TBC1D30: variants seen among roughly 807,000 people sequenced by gnomAD.
TBC1D30 encodes TBC1 domain family, member 30.
A neutral mutation model predicts 63.2 loss-of-function variants in TBC1D30; 31 were observed. The observed-to-expected ratio is 0.49, with a 90% CI of 0.37 to 0.66. The LOEUF (loss-of-function observed/expected upper bound fraction) is 0.66, where lower values mean the gene tolerates loss of function less well. TBC1D30 is among the 30% of genes least tolerant of loss of function. TBC1D30 has a pLI of 0.00. For synonymous variants in TBC1D30, 307 were observed against 361.5 expected (o/e 0.85, Z 1.71); for missense variants, 810 against 953.6 (o/e 0.85, Z 1.98).
intron 1 of TBC1D30, among the ~76,000 whole-genome samples, chr12:64,785,629 G>T (rs1045942706): frequency 5.9e-5 from 9 of 152,136 alleles, no homozygotes; most frequent in African/African-American, 2.2e-4. Context: ...AAAAGTAGGA[G>T]TTTTTGCTCC....
At chr12:64,859,028 G>A (rs1877554520) in intron 8 of TBC1D30, among the ~76,000 whole-genome samples, 2 of 151,982 alleles carry the variant, frequency 1.3e-5, no homozygotes, top group Non-Finnish European at 2.9e-5. Flanking sequence ...GGCTGTGTGT[G>A]TGTGTGTGTG....
chr12:64,813,159 A>G (rs1223730760), intron 2 of TBC1D30, among the ~76,000 whole-genome samples: 2 of 152,114 alleles, frequency 1.3e-5, no homozygotes, highest in East Asian at 3.9e-4. Flanking sequence ...GAAGGCCGAG[A>G]TGGGCAGCTC....
At chr12:64,785,832 T>G in intron 1 of TBC1D30, 1 of 1,242,440 alleles carries the variant, frequency 8.0e-7, no homozygotes, top group Non-Finnish European at 1.1e-6. Flanking sequence ...CTGGAATTTG[T>G]ATTCCTCTCA....
intron 8 of TBC1D30, among the ~76,000 whole-genome samples, chr12:64,853,511 C>T (rs1877047014): frequency 6.6e-6 from 1 of 152,118 alleles, no homozygotes; most frequent in South Asian, 2.1e-4. Flanking sequence ...TTCTGTCTTG[C>T]TGATGTTCTA....
chr12:64,820,759 A>G (rs1382198332), upstream of TBC1D30, among the ~76,000 whole-genome samples: 1 of 152,256 alleles, frequency 6.6e-6, no homozygotes, highest in Non-Finnish European at 1.5e-5. Context: ...CAGACATGAA[A>G]TAAAAAACTG....
At position 64,786,439 on chromosome 12, in the gene TBC1D30, C is replaced by T. The variant is rs541815385; in HGVS notation, c.643+394C>T. Among the ~76,000 whole-genome samples the T allele has an allele frequency of 5.4e-4, 82 of 152,144 alleles. No homozygotes were observed. In the South Asian group the frequency reaches 0.017, roughly 31 times the overall value. On this transcript the variant is annotated intron_variant, in intron 2 of 12. Coordinates refer to the TBC1D30 transcript ENST00000542120. ...CTCCGCCTCCCAGGTTCAGGCAATT[C>T]TCCTGTCTAAGCCTCCTGAGTAGCT...
At chr12:64,816,925 C>T (rs1873576801) in intron 2 of TBC1D30, among the ~76,000 whole-genome samples, 2 of 152,074 alleles carry the variant, frequency 1.3e-5, no homozygotes, top group South Asian at 4.1e-4. Context: ...ATCCTAGGCT[C>T]TCAAGTGATC....
upstream of TBC1D30, among the ~76,000 whole-genome samples, chr12:64,777,135 A>C (rs994532682): frequency 2.0e-5 from 3 of 152,158 alleles, no homozygotes; most frequent in Non-Finnish European, 4.4e-5. Context: ...TATATGACAA[A>C]CCCGCAGCTA....
At chr12:64,780,746 G>C in exon 1 of TBC1D30, 1 of 987,120 alleles carries the variant, frequency 1.0e-6, no homozygotes, top group Non-Finnish European at 1.2e-6. Context: ...CCTCCTCCCG[G>C]AACTGGCCGG....
intron 5 of TBC1D30, 132 bp downstream of exon 5, chr12:64,832,436 C>A: frequency 1.1e-6 from 1 of 879,534 alleles, no homozygotes; most frequent in Non-Finnish European, 1.7e-6. Flanking sequence ...CCTATGATAG[C>A]ATTTCCTCCA....
intron 4 of TBC1D30, among the ~76,000 whole-genome samples, chr12:64,831,569 C>T (rs574562703): frequency 2.6e-5 from 4 of 152,114 alleles, no homozygotes; most frequent in Non-Finnish European, 5.9e-5. Context: ...ATATTGCCTT[C>T]ATTAAAGCAT....
At chr12:64,787,338 T>C in intron 2 of TBC1D30, 2 of 983,748 alleles carry the variant, frequency 2.0e-6, no homozygotes, top group Non-Finnish European at 2.4e-6. Flanking sequence ...ATTTTTGTTT[T>C]GCATTCTTTA....
Position 64,849,290 on chromosome 12 carries a change from T to C in TBC1D30, c.1038+5805T>C, listed in dbSNP as rs541402794. Among the ~76,000 whole-genome samples, 3 of 152,318 alleles carry C rather than the reference T, an allele frequency of 2.0e-5. No homozygotes were observed. In the South Asian group the frequency reaches 6.2e-4, roughly 32 times the overall value. On this transcript the variant is annotated intron_variant, in intron 8 of 11. Coordinates refer to ENST00000539867, the MANE Select transcript of TBC1D30 (RefSeq NM_015279.2). ...AGCTCTTTAGTTTAATTAGATCCCATTTGTCTATTTTGGCTTTTGTGGCCA... is the reference window on the plus strand; with the variant it reads ...AGCTCTTTAGTTTAATTAGATCCCACTTGTCTATTTTGGCTTTTGTGGCCA...
intron 4 of TBC1D30, among the ~76,000 whole-genome samples, chr12:64,831,375 A>ATATTT (rs1442997379): frequency 6.6e-6 from 1 of 152,264 alleles, no homozygotes; most frequent in Non-Finnish European, 1.5e-5. Context: ...TATGTTTCGC[A>ATATTT]GAGATGAAGT....
At chr12:64,847,415 C>G (rs1315350061) in intron 8 of TBC1D30, among the ~76,000 whole-genome samples, 2 of 151,276 alleles carry the variant, frequency 1.3e-5, no homozygotes, top group African/African-American at 4.8e-5. Flanking sequence ...GTTTCTTCTA[C>G]TAATTTTGGG....
chr12:64,765,139 A>G (rs1242613106), intron 1 of TBC1D30, among the ~76,000 whole-genome samples: 1 of 152,234 alleles, frequency 6.6e-6, no homozygotes, highest in African/African-American at 2.4e-5. Flanking sequence ...TTCAGGGAAG[A>G]CTACGAAACC....
At chr12:64,813,169 C>A (rs1490841279) in intron 2 of TBC1D30, among the ~76,000 whole-genome samples, 1 of 152,110 alleles carries the variant, frequency 6.6e-6, no homozygotes, top group Non-Finnish European at 1.5e-5. Context: ...ATGGGCAGCT[C>A]ACTTGAGCCC....
intron 5 of TBC1D30, among the ~76,000 whole-genome samples, 160 bp downstream of exon 5, chr12:64,832,464 G>A (rs182571221): frequency 1.4e-4 from 21 of 152,350 alleles, no homozygotes; most frequent in Admixed American, 9.8e-4. Flanking sequence ...GCCATGTCAA[G>A]TGACAGATTC....
At chr12:64,832,339 T>G (rs1330951521) in intron 5 of TBC1D30, 35 bp downstream of exon 5, 1 of 1,515,262 alleles carries the variant, frequency 6.6e-7, no homozygotes, top group African/African-American at 1.4e-5. Context: ...CCATGGACAT[T>G]CTTCTGAGAG....
Sources: gnomAD v4.1 joint callset for allele counts (sites outside exome capture counted in the v4.1 genomes callset) on GRCh38, gnomAD v4.1.1 for gene constraint, MANE v1.5 for transcripts, NCBI Gene and HGNC (gene_info 2026-07-23, HGNC 2026-07-21) for gene names.